Variants in HECW2 observed in about 807,000 individuals in gnomAD.
HECW2 encodes E3 ubiquitin-protein ligase HECW2.
Under a neutral mutation model 175.2 loss-of-function variants are expected in HECW2, and 61 were observed. The ratio of observed to expected loss-of-function variants is 0.35; its 90% confidence interval spans 0.28 to 0.43. HECW2 has a LOEUF of 0.43. Among genes scored for constraint, HECW2 ranks in the 20% least tolerant of loss-of-function variants. HECW2 has a pLI of 1.00. For synonymous variants in HECW2, 671 were observed against 731.0 expected, an observed-to-expected ratio of 0.92 and a Z score of 1.32; for missense variants, 1,524 against 2,000.5, an observed-to-expected ratio of 0.76 and a Z score of 4.54.
At chr2:196,258,692 CCTTA>C (rs1689165279) in intron 17 of HECW2, among the ~76,000 whole-genome samples, 1 of 151,774 alleles carries the variant, frequency 6.6e-6, no homozygotes, top group African/African-American at 2.4e-5. Context: ...TGCTTTCTTC[CCTTA>C]TTTACATCAT....
intron 2 of HECW2, among the ~76,000 whole-genome samples, chr2:196,350,116 C>A (rs1043883261): frequency 7.2e-5 from 11 of 152,168 alleles, no homozygotes; most frequent in Admixed American, 1.3e-4. Context: ...GTAATCCCAG[C>A]ACTTTGGGAG....
rs895774686 is a variant in HECW2, at chr2:196,240,218, G to A, written c.3764+231C>T. On this transcript the variant is annotated intron_variant, in intron 21 of 28. Coordinates refer to ENST00000644978, the MANE Select transcript of HECW2 (RefSeq NM_001348768.2). ...AGAGAAGAAACTGAACTAGGCTTCT[G>A]TTCTCAAAAATGATCTAAAGCTACA... 23 of 336,450 alleles carry A rather than the reference G, an allele frequency of 6.8e-5. No individual in the cohort carries two copies. The Middle Eastern group carries it at 2.4e-3, about 35-fold the overall frequency. 20.8% of individuals were successfully genotyped at this position (336,450 alleles called of 1,614,324 possible). A position where few individuals can be genotyped will look rare whatever the true frequency, so the allele number is the denominator to read the frequency against.
At chr2:196,451,207 G>A (rs186105542) in intron 1 of HECW2, among the ~76,000 whole-genome samples, 150 of 151,208 alleles carry the variant, frequency 9.9e-4, no homozygotes, top group Non-Finnish European at 1.8e-3. Flanking sequence ...AGGCCGAGGC[G>A]GGTGGATCAC....
chr2:196,402,069 CG>C (rs972192750), intron 2 of HECW2, among the ~76,000 whole-genome samples: 1 of 151,626 alleles, frequency 6.6e-6, no homozygotes, highest in Non-Finnish European at 1.5e-5. Flanking sequence ...GACGTGGTGG[CG>C]GGCGCCTGTA....
chr2:196,580,136 T>C (rs1270039588), intron 1 of HECW2, among the ~76,000 whole-genome samples: 1 of 152,050 alleles, frequency 6.6e-6, no homozygotes, highest in East Asian at 1.9e-4. Context: ...GAAAACATAA[T>C]GATTATAAAC....
Position 196,462,063 on chromosome 2 carries a change from T to C in HECW2, c.-35-28605A>G, listed in dbSNP as rs10177675. ...ATATATATGTGTGTGTGCGTATACATATATGTATACATATATGTACACATT... is the reference window on the plus strand; with the variant it reads ...ATATATATGTGTGTGTGCGTATACACATATGTATACATATATGTACACATT... On this transcript the variant is annotated intron_variant, in intron 1 of 28. Coordinates refer to ENST00000644978, the MANE Select transcript of HECW2 (RefSeq NM_001348768.2). Among the ~76,000 whole-genome samples the C allele has an allele frequency of 2.6e-3, 398 of 152,260 alleles. 2 individuals are homozygous for C. Among genetic ancestry groups the C allele is most frequent in the African/African-American group, 8.8e-3 (365 of 41,544 alleles).
chr2:196,464,742 C>T (rs115978697), intron 1 of HECW2, among the ~76,000 whole-genome samples: 2,732 of 152,206 alleles, frequency 0.018, 83 homozygotes, highest in African/African-American at 0.062. Flanking sequence ...AAAATCTTCG[C>T]TTAAAGAAGG....
At chr2:196,303,461 G>T (rs1276330097) in intron 13 of HECW2, among the ~76,000 whole-genome samples, 1 of 152,122 alleles carries the variant, frequency 6.6e-6, no homozygotes, top group East Asian at 1.9e-4. Flanking sequence ...TCAATTTTTT[G>T]GAGTCATTTC....
At chr2:196,521,282 C>CA (rs1158051512) in intron 1 of HECW2, among the ~76,000 whole-genome samples, 4,378 of 53,712 alleles carry the variant, frequency 0.082, 202 homozygotes, top group East Asian at 0.14. Flanking sequence ...ACGTGAGTAA[C>CA]AAAAAAAAAA....
rs1346946236 is a variant in HECW2 at position 196,473,434 on chromosome 2, T to A, written c.-35-39976A>T. On this transcript the variant is annotated intron_variant, in intron 1 of 28. Transcript: ENST00000644978. ...ATAAATCATTTTTTACTGATCAAAGTGCAAGGTCTAAAAAGTTTAAAAACC... is the reference window on the plus strand; with the variant it reads ...ATAAATCATTTTTTACTGATCAAAGAGCAAGGTCTAAAAAGTTTAAAAACC... Among the ~76,000 whole-genome samples, 9 of 152,312 alleles carry A rather than the reference T, an allele frequency of 5.9e-5. 1 individual carries two copies. Among genetic ancestry groups the A allele is most frequent in the Admixed American group, 5.9e-4 (9 of 15,302 alleles).
chr2:196,374,245 C>T (rs1427007883), intron 2 of HECW2, among the ~76,000 whole-genome samples: 4 of 151,878 alleles, frequency 2.6e-5, no homozygotes, highest in South Asian at 4.2e-4. Flanking sequence ...ACATGGAAAA[C>T]GTTCATGAGA....
chr2:196,439,907 GA>G (rs1156542943), intron 1 of HECW2, among the ~76,000 whole-genome samples: 2 of 152,106 alleles, frequency 1.3e-5, no homozygotes, highest in Admixed American at 6.6e-5. Flanking sequence ...TTAGTGACAT[GA>G]AAAGAAAATA....
In HECW2 at chr2:196,494,924, C is replaced by T. The variant is rs578009450; in HGVS notation, c.-35-61466G>A. Among the ~76,000 whole-genome samples the T allele has an allele frequency of 1.1e-4, 16 of 152,310 alleles. No homozygotes were observed. In the South Asian group the frequency reaches 3.3e-3, roughly 32 times the overall value. On this transcript the variant is annotated intron_variant, in intron 1 of 28. Coordinates refer to ENST00000644978, the MANE Select transcript of HECW2 (RefSeq NM_001348768.2). ...GCTGCACCTACTCTGTAGTCTCCAA[C>T]AATCATTGACCTACTCTGTTCCTCT... is the stretch of plus-strand genomic sequence containing the variant.
Position 196,196,454 on chromosome 2 carries a change from A to G in HECW2, c.*4823T>C, listed in dbSNP as rs2105739305. On this transcript the variant is annotated 3_prime_UTR_variant, in exon 29 of 29. Transcript: ENST00000644978. ...AAACTCACGGCAGTAAGATGGAAGT[A>G]AAATGGCTAAGGTCCAGAGTGCTGT... is the stretch of plus-strand genomic sequence containing the variant. 1 of 152,336 alleles carries G rather than the reference A, an allele frequency of 6.6e-6. No homozygotes were observed. Among genetic ancestry groups the G allele is most frequent in the Admixed American group, 6.5e-5 (1 of 15,298 alleles). The allele number at this position is 152,336 out of a possible 1,614,324, so 9.4% of individuals were successfully genotyped here.
intron 1 of HECW2, among the ~76,000 whole-genome samples, chr2:196,552,786 G>A (rs1430088444): frequency 2.0e-5 from 3 of 152,210 alleles, no homozygotes; most frequent in African/African-American, 7.2e-5. Flanking sequence ...GGAAAGGGTA[G>A]AGGCCAGAAT....
chr2:196,565,100 C>T (rs1382732211), intron 1 of HECW2, among the ~76,000 whole-genome samples: 1 of 152,092 alleles, frequency 6.6e-6, no homozygotes, highest in Non-Finnish European at 1.5e-5. Context: ...CCACTAACTT[C>T]ACAATGAAGT....
intron 1 of HECW2, among the ~76,000 whole-genome samples, chr2:196,536,401 A>T (rs1286764857): frequency 6.6e-6 from 1 of 152,226 alleles, no homozygotes; most frequent in Non-Finnish European, 1.5e-5. Flanking sequence ...AGAGCTGGAA[A>T]GATCAGAAAT....
intron 2 of HECW2, among the ~76,000 whole-genome samples, chr2:196,426,171 C>T (rs1315434057): frequency 6.6e-6 from 1 of 152,130 alleles, no homozygotes; most frequent in East Asian, 1.9e-4. Flanking sequence ...AGACATAGTG[C>T]TACTGCACAC....
chr2:196,229,852 A>T (rs999007747), intron 21 of HECW2, among the ~76,000 whole-genome samples: 7 of 152,228 alleles, frequency 4.6e-5, no homozygotes, highest in African/African-American at 1.4e-4. Context: ...ACTTTGTCTT[A>T]CACAATCTTT....
Sources: gnomAD v4.1 joint callset for allele counts (sites outside exome capture counted in the v4.1 genomes callset) on GRCh38, gnomAD v4.1.1 for gene constraint, MANE v1.5 for transcripts, NCBI Gene and HGNC (gene_info 2026-07-23, HGNC 2026-07-21) for gene names.